The following USP42 variants were observed in gnomAD, a reference collection of about 807,000 sequenced individuals.
USP42 encodes ubiquitin specific peptidase 42.
In USP42, 23 loss-of-function variants were observed where a neutral mutation model predicts 113.0. The observed-to-expected ratio is 0.20, with a 90% CI of 0.15 to 0.29. USP42 has a LOEUF of 0.29. USP42 is among the 10% of genes least tolerant of loss of function. The pLI, the probability that USP42 is intolerant of heterozygous loss-of-function variation, is 1.00. For missense variants in USP42, 2,174 were observed against 1,779.8 expected (o/e 1.22, Z -3.99); for synonymous variants, 933 against 699.0 (o/e 1.33, Z -5.28).
chr7:6,115,688 T>C (rs1409122800), intron 3 of USP42, among the ~76,000 whole-genome samples, 165 bp downstream of exon 3: 1 of 152,238 alleles, frequency 6.6e-6, no homozygotes. Context: ...GGATTCAGGT[T>C]GCATGAAAAA....
At chr7:6,136,246 C>T (rs1380985548) in intron 4 of USP42, among the ~76,000 whole-genome samples, 2 of 152,014 alleles carry the variant, frequency 1.3e-5, no homozygotes, top group Non-Finnish European at 2.9e-5. Context: ...TCAGTTGATC[C>T]ACCTGCCTCC....
chr7:6,155,625 G>A (rs1390320853), intron 15 of USP42, among the ~76,000 whole-genome samples: 6 of 152,140 alleles, frequency 3.9e-5, no homozygotes, highest in African/African-American at 1.4e-4. Context: ...TGTGAGGGAG[G>A]CAGACAACAG....
In USP42 at chr7:6,158,815, C is replaced by T. The variant is rs996931143; in HGVS notation, c.3944-635C>T. On this transcript the variant is annotated intron_variant, in intron 16 of 17. Coordinates refer to ENST00000306177, the MANE Select transcript of USP42 (RefSeq NM_032172.3). The surrounding 1 kb of genome is among the most constrained non-coding windows in gnomAD (Gnocchi z 4.2). ...CTCATTCTGAGTGTGGTGCAGGCTC[C>T]CAGGATCATGGGCTTCCAGCTGGGG... is the stretch of plus-strand genomic sequence containing the variant. Among the ~76,000 whole-genome samples the T allele has an allele frequency of 6.6e-6, 1 of 152,114 alleles. No homozygotes were observed. Among genetic ancestry groups the T allele is most frequent in the Non-Finnish European group, 1.5e-5 (1 of 68,022 alleles).
At position 6,146,358 on chromosome 7, in the gene USP42, C is replaced by T. The variant is rs1781716579; in HGVS notation, c.1232+110C>T. The T allele has an allele frequency of 5.5e-6, 4 of 728,598 alleles. No homozygotes were observed. The East Asian group carries it at 1.1e-4, about 21-fold the overall frequency. The allele number at this position is 728,598 out of a possible 1,614,324, so 45.1% of individuals were successfully genotyped here. ...GTTTTAAAAAAAAAAAAAAACCCAGCAGCTTAAAGATCAACTCTAGCCTGG... is the reference window on the plus strand; with the variant it reads ...GTTTTAAAAAAAAAAAAAAACCCAGTAGCTTAAAGATCAACTCTAGCCTGG... On this transcript the variant is annotated intron_variant, in intron 11 of 17. Coordinates refer to ENST00000306177, the MANE Select transcript of USP42 (RefSeq NM_032172.3).
rs1781356909 is a variant in USP42, at chr7:6,140,070, A to C, written c.657-58A>C. 2.0e-6 allele frequency: 3 copies of C among 1,470,524 alleles called. No individual in the cohort carries two copies. In the East Asian group the frequency reaches 6.8e-5, roughly 33 times the overall value. The allele number at this position is 1,470,524 out of a possible 1,614,324, so 91.1% of individuals were successfully genotyped here. A position where few individuals can be genotyped will look rare whatever the true frequency, so the allele number is the denominator to read the frequency against. On this transcript the variant is annotated intron_variant, in intron 5 of 17. Transcript: ENST00000306177. ...GCTCCCATGTGTTTGAAATCTGGTC[A>C]CAGCATCTGGAGTTTTTGCAAAGCT... is the stretch of plus-strand genomic sequence containing the variant.
chr7:6,153,284 A>G (rs1782178433), intron 14 of USP42, among the ~76,000 whole-genome samples: 1 of 144,878 alleles, frequency 6.9e-6, no homozygotes, highest in Non-Finnish European at 1.5e-5. Context: ...CAAAAAAACA[A>G]AACAAAATGA....
chr7:6,149,993 G>T lies in USP42; in HGVS notation c.1797G>T (p.Leu599=), dbSNP rs1416810335. The T allele has an allele frequency of 6.2e-7, 1 of 1,613,568 alleles. No homozygotes were observed. Among genetic ancestry groups the T allele is most frequent in the African/African-American group, 1.3e-5 (1 of 74,922 alleles). ...SQPVMNGKSK[L]NSSVLVPYGA... The stretch of plus-strand genomic sequence containing the variant: ...CCGTGATGAATGGCAAATCCAAGCT[G>T]AACTCCAGCGTGCTGGTGCCCTATG... The change falls in exon 13 of 18, where the codon CTG becomes CTT. Residue 599 remains leucine, a synonymous_variant. Transcript: ENST00000306177.
intron 12 of USP42, among the ~76,000 whole-genome samples, chr7:6,148,143 C>T (rs1781827279): frequency 6.6e-6 from 1 of 152,122 alleles, no homozygotes; most frequent in African/African-American, 2.4e-5. Context: ...TTTGAGACCA[C>T]CCTGGGTACC....
At chr7:6,102,000 G>A (rs1368525605), upstream of USP42, among the ~76,000 whole-genome samples, 2 of 150,598 alleles carry the variant, frequency 1.3e-5, no homozygotes, top group Non-Finnish European at 2.9e-5. Context: ...TTGAACCTGG[G>A]AGGTGGAGGT....
chr7:6,096,416 A>G, the USP42 span, among the ~76,000 whole-genome samples: 3 of 151,202 alleles, frequency 2.0e-5, no homozygotes, highest in Admixed American at 6.6e-5. Flanking sequence ...AGGGATCCCA[A>G]TGGTGCAGAT....
rs1292235416 is a variant in USP42 at position 6,128,855 on chromosome 7, C to CT, written c.443-6985dup. Among the ~76,000 whole-genome samples the CT allele has an allele frequency of 4.6e-5, 7 of 152,244 alleles. No homozygotes were observed. The East Asian group carries it at 1.4e-3, about 29-fold the overall frequency. On this transcript the variant is annotated intron_variant, in intron 3 of 17. Coordinates refer to ENST00000306177, the MANE Select transcript of USP42 (RefSeq NM_032172.3). ...GGGGTGGGTCGTGGACAGGGTCTCT[C>CT]TGTCACCTAGGCTGGAGTGTGGTTG...
rs140646938 is a variant in USP42 at position 6,107,689 on chromosome 7, G to A, written c.-10+2657G>A. Among the ~76,000 whole-genome samples, 534 of 152,196 alleles carry A rather than the reference G, an allele frequency of 3.5e-3. 8 individuals are homozygous for A. The highest frequency in any genetic ancestry group is 0.012 in the African/African-American group (490 of 41,518). On this transcript the variant is annotated intron_variant, in intron 1 of 17. Coordinates refer to ENST00000306177, the MANE Select transcript of USP42 (RefSeq NM_032172.3). ...CTCCCAAAGTGCTGGGATTACAGGT[G>A]TGAGCACCTGCGCCCGGCCTCTTCT...
chr7:6,155,974 C>G (rs1233699488), intron 15 of USP42, among the ~76,000 whole-genome samples: 2 of 152,166 alleles, frequency 1.3e-5, no homozygotes, highest in African/African-American at 4.8e-5. Context: ...GCACGCTGTT[C>G]TCAAACCCCT....
rs1781349654 is a variant in USP42 at position 6,139,888 on chromosome 7, C to A, written c.657-240C>A. 1.8e-6 allele frequency: 1 copy of A among 555,270 alleles called. No individual in the cohort carries two copies. The allele number at this position is 555,270 out of a possible 1,614,324, so 34.4% of individuals were successfully genotyped here. On this transcript the variant is annotated intron_variant, in intron 5 of 17. Transcript: ENST00000306177. The surrounding 1 kb of genome is among the most constrained non-coding windows in gnomAD (Gnocchi z 4.5). ...CAGACTCCTGCCTTGCTTCCCGAGTCCCTTCCTGACAGACACAGCTCCCAC... is the reference window on the plus strand; with the variant it reads ...CAGACTCCTGCCTTGCTTCCCGAGTACCTTCCTGACAGACACAGCTCCCAC...
In USP42 at chr7:6,159,499, C is replaced by G; in HGVS notation, c.*36+6C>G. 1 of 1,612,924 alleles carries G rather than the reference C, an allele frequency of 6.2e-7. No individual in the cohort carries two copies. On this transcript the variant is annotated splice_donor_region_variant and intron_variant, in intron 17 of 17. Coordinates refer to ENST00000306177, the MANE Select transcript of USP42 (RefSeq NM_032172.3). This position sits in a 1 kb window ranked among gnomAD's most constrained non-coding sequence, Gnocchi z 4.1. ...CAAAAAATTCACTAGTTATGGTAAG[C>G]TGTTTTCCTGTCTGTTTCCTCATTG...
chr7:6,121,906 C>T (rs1490199100), intron 3 of USP42, among the ~76,000 whole-genome samples: 1 of 152,158 alleles, frequency 6.6e-6, no homozygotes, highest in African/African-American at 2.4e-5. Context: ...AATGATCCTC[C>T]CCGCTTGGCC....
chr7:6,141,486 G>A (rs561979114), intron 7 of USP42, among the ~76,000 whole-genome samples: 33 of 151,952 alleles, frequency 2.2e-4, no homozygotes, highest in African/African-American at 7.2e-4. Context: ...GTGAGCCACC[G>A]CGCCCGGCCT....
chr7:6,083,428 G>A, the USP42 span, among the ~76,000 whole-genome samples: 1 of 149,254 alleles, frequency 6.7e-6, no homozygotes, highest in Non-Finnish European at 1.5e-5. Flanking sequence ...GCTAATTTTT[G>A]TATTTTTAGT....
intron 2 of USP42, among the ~76,000 whole-genome samples, chr7:6,114,266 A>G (rs973886365): frequency 6.6e-6 from 1 of 152,190 alleles, no homozygotes; most frequent in African/African-American, 2.4e-5. Context: ...GATGGTGGCA[A>G]TGAATTAGCA....
Sources: allele counts gnomAD v4.1 joint callset (sites outside exome capture counted in the v4.1 genomes callset), GRCh38; gene constraint gnomAD v4.1.1; non-coding constraint Gnocchi (gnomAD v3.1); transcripts MANE v1.5; gene names NCBI Gene and HGNC (gene_info 2026-07-23, HGNC 2026-07-21).